Variants in HADHA observed in about 807,000 individuals in gnomAD.
The protein encoded by HADHA is trifunctional enzyme subunit alpha, mitochondrial.
Under a neutral mutation model 91.3 loss-of-function variants are expected in HADHA, and 59 were observed. That is an observed-to-expected ratio of 0.65 (90% confidence interval 0.52 to 0.80). The LOEUF is 0.80. HADHA is among the 30% of genes least tolerant of loss of function. The pLI, the probability that HADHA is intolerant of heterozygous loss-of-function variation, is 0.00. For synonymous variants in HADHA, 320 were observed against 338.9 expected, an observed-to-expected ratio of 0.94 and a Z score of 0.61; for missense variants, 800 against 927.6, an observed-to-expected ratio of 0.86 and a Z score of 1.79.
At chr2:26,233,882 ACCAG>A (rs1448618452) in intron 5 of HADHA, among the ~76,000 whole-genome samples, 1 of 152,110 alleles carries the variant, frequency 6.6e-6, no homozygotes. Flanking sequence ...GGAGTTTGAG[ACCAG>A]CCTGGCCAAC....
At chr2:26,215,300 AG>A (rs1270613326) in intron 7 of HADHA, 125 bp from the exon 8 acceptor site, 96 of 826,262 alleles carry the variant, frequency 1.2e-4, no homozygotes, top group Non-Finnish European at 1.7e-4. Context: ...GGAGACTGGT[AG>A]GTGGCAAAGT....
At position 26,215,033 on chromosome 2, in the gene HADHA, T is replaced by C; in HGVS notation, c.799+20A>G. 6.2e-7 allele frequency: 1 copy of C among 1,600,024 alleles called. No homozygotes were observed. Among genetic ancestry groups the C allele is most frequent in the Non-Finnish European group, 8.6e-7 (1 of 1,167,266 alleles). ...CTCAGGAAAGAAGCTTTGCCTTTGTTCTTTAACAATGATACTCACTTTCCA... is the reference window on the plus strand; with the variant it reads ...CTCAGGAAAGAAGCTTTGCCTTTGTCCTTTAACAATGATACTCACTTTCCA... On this transcript the variant is annotated intron_variant, in intron 8 of 19. Coordinates refer to ENST00000380649, the MANE Select transcript of HADHA (RefSeq NM_000182.5).
Position 26,194,576 on chromosome 2 carries a change from G to T in HADHA, c.1683C>A (p.Ile561=), listed in dbSNP as rs372266559. 9 of 1,601,650 alleles carry T rather than the reference G, an allele frequency of 5.6e-6. No homozygotes were observed. Among genetic ancestry groups the T allele is most frequent in the African/African-American group, 5.4e-5 (4 of 74,650 alleles). The part of the protein sequence containing the change: ...LAPMMSEVIR[I]LQEGVDPKKL... ...TCTGGAGAGCAATACCAACCTGGAGGATTCGGATGACTTCAGACATCATGG... is the reference window on the plus strand; with the variant it reads ...TCTGGAGAGCAATACCAACCTGGAGTATTCGGATGACTTCAGACATCATGG... The change falls in exon 16 of 20, where the codon ATC becomes ATA. Residue 561 remains isoleucine (I), a synonymous_variant. Transcript: ENST00000380649.
chr2:26,235,449 A>G (rs1670724539), intron 4 of HADHA: 1 of 152,252 alleles, frequency 6.6e-6, no homozygotes, highest in Non-Finnish European at 1.5e-5. Flanking sequence ...TAACTAGTAT[A>G]TTCTGTAATT....
intron 17 of HADHA, among the ~76,000 whole-genome samples, chr2:26,193,117 G>A (rs1669559599): frequency 6.6e-6 from 1 of 151,960 alleles, no homozygotes; most frequent in Admixed American, 6.6e-5. Context: ...AGACAGCATG[G>A]TAAAGCCCGG....
chr2:26,236,045 G>A (rs985423754), intron 4 of HADHA, among the ~76,000 whole-genome samples: 4 of 152,118 alleles, frequency 2.6e-5, no homozygotes, highest in Admixed American at 6.6e-5. Context: ...ATTATTCCAT[G>A]TTTGGTTTTA....
rs1176329262 is a variant in HADHA, at chr2:26,238,971, T to C, written c.143A>G (p.Asp48Gly). Reference sequence around the variant, plus strand: ...AGAGTTAATTCGAACAACTGCCACATCCCCTTTGACTCCATAGTTAATATG... The same window carrying C: ...AGAGTTAATTCGAACAACTGCCACACCCCCTTTGACTCCATAGTTAATATG... ...RTHINYGVKGDVAVVRINSPN... is the reference protein window; with the variant it reads ...RTHINYGVKGGVAVVRINSPN... The change falls in exon 3 of 20, where the codon GAT (aspartate) becomes GGT (glycine). Residue 48 changes from aspartate to glycine, a missense_variant. Coordinates refer to ENST00000380649, the MANE Select transcript of HADHA (RefSeq NM_000182.5). The C allele has an allele frequency of 3.1e-6, 5 of 1,609,368 alleles. No individual in the cohort carries two copies. The highest frequency in any genetic ancestry group is 4.2e-6 in the Non-Finnish European group (5 of 1,176,518).
intron 7 of HADHA, among the ~76,000 whole-genome samples, chr2:26,225,247 G>A (rs747876565): frequency 6.6e-6 from 1 of 152,100 alleles, no homozygotes; most frequent in African/African-American, 2.4e-5. Flanking sequence ...CACTTTGGGA[G>A]GCTGAGGCAG....
rs758130768 is a variant in HADHA, at chr2:26,197,739, A to G, written c.1431T>C (p.Ser477=). ...PDHCIFASNT[S]ALPISEIAAV... The stretch of plus-strand genomic sequence containing the variant: ...CAGCGATTTCACTGATTGGGAGAGC[A>G]GATGTGTTACTGGCAAAGATACAGT... Residue 477 remains serine, a synonymous_variant, in exon 14 of 20, where the codon TCT becomes TCC. Coordinates refer to ENST00000380649, the MANE Select transcript of HADHA (RefSeq NM_000182.5). 1 of 1,562,712 alleles carries G rather than the reference A, an allele frequency of 6.4e-7. No homozygotes were observed.
At chr2:26,216,475 T>G (rs1670223918) in intron 7 of HADHA, among the ~76,000 whole-genome samples, 1 of 151,876 alleles carries the variant, frequency 6.6e-6, no homozygotes, top group Non-Finnish European at 1.5e-5. Context: ...TGCATGCCAC[T>G]GTGCCCAGCT....
intron 11 of HADHA, among the ~76,000 whole-genome samples, chr2:26,207,175 G>A (rs965958547): frequency 6.6e-6 from 1 of 152,048 alleles, no homozygotes; most frequent in African/African-American, 2.4e-5. Context: ...TCCAGCCGGG[G>A]TGACAGAATG....
At chr2:26,194,511 G>T in intron 16 of HADHA, 59 bp downstream of exon 16, 1 of 1,030,614 alleles carries the variant, frequency 9.7e-7, no homozygotes, top group Non-Finnish European at 1.5e-6. Context: ...GACATCATGA[G>T]TTTTAGAGTG....
rs1016410588 is a variant in HADHA, at chr2:26,221,657, C to T, written c.677-6482G>A. ...TCTTCTTTGTCTCTTCCAGCCTGCA[C>T]CTATGGCCTCATGGGGAGTTCTCTA... On this transcript the variant is annotated intron_variant, in intron 7 of 19. Transcript: ENST00000380649. The surrounding 1 kb of genome is among the most constrained non-coding windows in gnomAD (Gnocchi z 4.8). 1.3e-5 allele frequency among the ~76,000 whole-genome samples: 2 copies of T among 152,170 alleles called. No individual in the cohort carries two copies. Among genetic ancestry groups the T allele is most frequent in the Non-Finnish European group, 2.9e-5 (2 of 68,034 alleles).
At chr2:26,239,049 C>A in intron 2 of HADHA, 45 bp from the exon 3 acceptor site, 1 of 1,562,062 alleles carries the variant, frequency 6.4e-7, no homozygotes, top group Non-Finnish European at 8.8e-7. Context: ...TTTATTGCAA[C>A]ATAAATCCAA....
At chr2:26,206,946 G>A (rs781103925) in intron 11 of HADHA, among the ~76,000 whole-genome samples, 2 of 151,878 alleles carry the variant, frequency 1.3e-5, no homozygotes, top group Admixed American at 6.6e-5. Context: ...GCCTATAATC[G>A]TAGTGCTTTG....
intron 13 of HADHA, among the ~76,000 whole-genome samples, chr2:26,200,234 G>A (rs939456525): frequency 6.6e-6 from 1 of 152,144 alleles, no homozygotes; most frequent in African/African-American, 2.4e-5. Context: ...TATCCAGCAT[G>A]TTGCCAAGTC....
At chr2:26,191,663 A>G (rs201029031) in intron 18 of HADHA, 35 bp from the exon 19 acceptor site, 58 of 1,611,798 alleles carry the variant, frequency 3.6e-5, no homozygotes, top group Middle Eastern at 1.6e-4. Flanking sequence ...GTAGAAGAAG[A>G]GGAAAAGGGG....
At chr2:26,240,303 C>T in intron 1 of HADHA, among the ~76,000 whole-genome samples, 1 of 152,012 alleles carries the variant, frequency 6.6e-6, no homozygotes, top group Non-Finnish European at 1.5e-5. Flanking sequence ...TACAGCAGGA[C>T]ATTCAGGGTG....
At chr2:26,199,173 G>C (rs1669763203) in intron 13 of HADHA, 1 of 152,246 alleles carries the variant, frequency 6.6e-6, no homozygotes, top group African/African-American at 2.4e-5. Flanking sequence ...TGGGATTACA[G>C]GTGTGAGCCA....
Sources: allele counts gnomAD v4.1 joint callset (sites outside exome capture counted in the v4.1 genomes callset), GRCh38; gene constraint gnomAD v4.1.1; non-coding constraint Gnocchi (gnomAD v3.1); transcripts MANE v1.5; gene names NCBI Gene and HGNC (gene_info 2026-07-23, HGNC 2026-07-21).